Variants in ZNF385B observed in about 807,000 individuals in gnomAD.
ZNF385B encodes zinc finger protein 385B, also known as zinc finger protein 533.
Under a neutral mutation model 39.2 loss-of-function variants are expected in ZNF385B, and 23 were observed. The observed-to-expected ratio is 0.59, with a 90% CI of 0.42 to 0.83. The LOEUF is 0.83. Among genes scored for constraint, ZNF385B ranks in the 40% least tolerant of loss-of-function variants. The probability of loss-of-function intolerance (pLI) is 0.00; values close to 1 mark genes in which losing one functional copy is unlikely to be tolerated. For synonymous variants in ZNF385B, 205 were observed against 222.6 expected, an observed-to-expected ratio of 0.92 and a Z score of 0.70; for missense variants, 552 against 598.9, an observed-to-expected ratio of 0.92 and a Z score of 0.82.
At chr2:179,512,242 T>C (rs990151736) in intron 5 of ZNF385B, among the ~76,000 whole-genome samples, 18 of 152,208 alleles carry the variant, frequency 1.2e-4, no homozygotes, top group African/African-American at 3.9e-4. Flanking sequence ...AGATCAATAT[T>C]AATAATAATA....
intron 3 of ZNF385B, among the ~76,000 whole-genome samples, chr2:179,563,106 C>T (rs748897994): frequency 5.9e-5 from 9 of 152,062 alleles, no homozygotes; most frequent in African/African-American, 7.2e-5. Flanking sequence ...TTAATAGGGA[C>T]GTGTATGCAT....
chr2:179,838,092 A>G (rs1370920789), intron 1 of ZNF385B, among the ~76,000 whole-genome samples: 1 of 152,124 alleles, frequency 6.6e-6, no homozygotes, highest in African/African-American at 2.4e-5. Context: ...CCCAGTGTAG[A>G]AAAAAAAGTC....
chr2:179,738,439 T>C (rs552823424), intron 3 of ZNF385B, among the ~76,000 whole-genome samples: 92 of 152,320 alleles, frequency 6.0e-4, no homozygotes, highest in Non-Finnish European at 1.1e-3. Flanking sequence ...TTCATTGTTA[T>C]AGATACTCTA....
At chr2:179,471,955 A>G (rs2052819213) in intron 6 of ZNF385B, among the ~76,000 whole-genome samples, 1 of 152,176 alleles carries the variant, frequency 6.6e-6, no homozygotes, top group Non-Finnish European at 1.5e-5. Context: ...TAATTCCCCT[A>G]GTACTAATAA....
intron 5 of ZNF385B, among the ~76,000 whole-genome samples, chr2:179,516,408 A>G (rs2058092410): frequency 6.6e-6 from 1 of 152,138 alleles, no homozygotes; most frequent in Admixed American, 6.5e-5. Context: ...CTGACAATGT[A>G]TGAGAGGTCC....
At chr2:179,489,642 CT>C (rs1215322855) in intron 5 of ZNF385B, among the ~76,000 whole-genome samples, 9 of 152,178 alleles carry the variant, frequency 5.9e-5, no homozygotes, top group Non-Finnish European at 1.0e-4. Context: ...ACAATGCTTT[CT>C]GCATATATTT....
chr2:179,675,021 C>T (rs764664586), intron 3 of ZNF385B, among the ~76,000 whole-genome samples: 2 of 152,152 alleles, frequency 1.3e-5, no homozygotes, highest in Non-Finnish European at 2.9e-5. Flanking sequence ...GAGTTAGGGG[C>T]AGCAACCCCC....
At chr2:179,495,977 A>G (rs2056158762) in intron 5 of ZNF385B, among the ~76,000 whole-genome samples, 1 of 152,206 alleles carries the variant, frequency 6.6e-6, no homozygotes, top group African/African-American at 2.4e-5. Flanking sequence ...CCAGGAAAAC[A>G]TGACTTCACC....
chr2:179,634,841 G>C (rs1417906410), intron 3 of ZNF385B, among the ~76,000 whole-genome samples: 1 of 152,034 alleles, frequency 6.6e-6, no homozygotes, highest in African/African-American at 2.4e-5. Context: ...AAGAAAATGT[G>C]GCACATGGCC....
At chr2:179,796,491 T>C (rs1296130498) in intron 1 of ZNF385B, among the ~76,000 whole-genome samples, 12 of 152,120 alleles carry the variant, frequency 7.9e-5, no homozygotes, top group Admixed American at 7.2e-4. Context: ...GAATACACTA[T>C]ACTAAGGAAA....
At chr2:179,740,124 CAAG>C (rs1702002184) in intron 3 of ZNF385B, among the ~76,000 whole-genome samples, 1 of 152,092 alleles carries the variant, frequency 6.6e-6, no homozygotes. Flanking sequence ...TCCCAGCACC[CAAG>C]AATCCTGAGT....
intron 3 of ZNF385B, among the ~76,000 whole-genome samples, chr2:179,679,228 CT>C (rs1363467789): frequency 1.3e-5 from 2 of 151,960 alleles, no homozygotes; most frequent in African/African-American, 4.8e-5. Context: ...TTTATAGTAC[CT>C]TTTTCATGTT....
intron 3 of ZNF385B, among the ~76,000 whole-genome samples, chr2:179,683,372 AGAGT>A (rs1416070084): frequency 6.6e-6 from 1 of 152,102 alleles, no homozygotes; most frequent in East Asian, 1.9e-4. Context: ...CCTGGGCAAC[AGAGT>A]GTCTCAAAAA....
intron 3 of ZNF385B, among the ~76,000 whole-genome samples, chr2:179,640,548 G>A (rs1692176851): frequency 6.6e-6 from 1 of 152,068 alleles, no homozygotes; most frequent in Admixed American, 6.6e-5. Flanking sequence ...GGGAGTATAT[G>A]GGTATTTTCT....
chr2:179,561,853 A>G (rs1376592387), intron 3 of ZNF385B, among the ~76,000 whole-genome samples: 1 of 152,184 alleles, frequency 6.6e-6, no homozygotes, highest in African/African-American at 2.4e-5. Flanking sequence ...CTTTGACGTG[A>G]ACTAGATGGA....
intron 4 of ZNF385B, among the ~76,000 whole-genome samples, chr2:179,521,747 T>C (rs972836629): frequency 2.6e-5 from 4 of 152,148 alleles, no homozygotes; most frequent in African/African-American, 9.7e-5. Context: ...ATTTTTCTCA[T>C]AAAATCAACT....
At chr2:179,530,049 G>T (rs1447069944) in intron 4 of ZNF385B, among the ~76,000 whole-genome samples, 1 of 152,020 alleles carries the variant, frequency 6.6e-6, no homozygotes, top group Non-Finnish European at 1.5e-5. Flanking sequence ...TGGAGTGTAG[G>T]TCATGAGAAA....
intron 3 of ZNF385B, among the ~76,000 whole-genome samples, chr2:179,642,648 T>G (rs767239686): frequency 6.6e-5 from 10 of 152,276 alleles, no homozygotes; most frequent in African/African-American, 2.4e-4. Flanking sequence ...TTTTTCACTG[T>G]TACTATTTGT....
At chr2:179,855,862 C>T (rs1199504301) in intron 1 of ZNF385B, among the ~76,000 whole-genome samples, 1 of 152,164 alleles carries the variant, frequency 6.6e-6, no homozygotes, top group Non-Finnish European at 1.5e-5. Context: ...CCAAGTCAGC[C>T]CATTTCACAG....
Sources: gnomAD v4.1 joint callset for allele counts (sites outside exome capture counted in the v4.1 genomes callset) on GRCh38, gnomAD v4.1.1 for gene constraint, MANE v1.5 for transcripts, NCBI Gene and HGNC (gene_info 2026-07-23, HGNC 2026-07-21) for gene names.